Variants in PREX2 observed in about 807,000 individuals in gnomAD.
PREX2 encodes phosphatidylinositol-3,4,5-trisphosphate dependent Rac exchange factor 2.
In PREX2, 107 loss-of-function variants were observed where a neutral mutation model predicts 203.2. The ratio of observed to expected loss-of-function variants is 0.53; its 90% CI spans 0.45 to 0.62. The LOEUF is 0.62. PREX2 is among the 20% of genes least tolerant of loss of function. The pLI is 0.00. For missense variants in PREX2, 1,777 were observed against 1,955.9 expected (o/e 0.91, Z 1.72); for synonymous variants, 672 against 663.6 (o/e 1.01, Z -0.19).
chr8:68,198,731 A>G (rs542970901), intron 37 of PREX2, among the ~76,000 whole-genome samples: 2 of 152,346 alleles, frequency 1.3e-5, no homozygotes, highest in South Asian at 4.1e-4. Flanking sequence ...TGCAGAGTCT[A>G]CCTGAAAGAA....
chr8:68,173,501 G>A (rs1188530585), intron 35 of PREX2, among the ~76,000 whole-genome samples: 1 of 152,166 alleles, frequency 6.6e-6, no homozygotes, highest in Non-Finnish European at 1.5e-5. Flanking sequence ...ATTTATGCAT[G>A]TAGTATTATG....
intron 1 of PREX2, among the ~76,000 whole-genome samples, chr8:67,967,610 TG>T (rs1472979988): frequency 6.6e-6 from 1 of 152,164 alleles, no homozygotes; most frequent in Non-Finnish European, 1.5e-5. Context: ...AGCGAGGGGA[TG>T]GAAGCATTGA....
At chr8:68,095,134 T>A (rs1032184912) in intron 21 of PREX2, 12 of 152,196 alleles carry the variant, frequency 7.9e-5, no homozygotes, top group Admixed American at 6.5e-4. Flanking sequence ...GACACGTGGG[T>A]GTGTTCACTC....
At chr8:68,017,563 C>G (rs1807442253) in intron 1 of PREX2, among the ~76,000 whole-genome samples, 1 of 152,182 alleles carries the variant, frequency 6.6e-6, no homozygotes, top group East Asian at 1.9e-4. Context: ...TAGGAAACAT[C>G]TGACTCTAAA....
chr8:67,979,794 T>C (rs1229396619), intron 1 of PREX2, among the ~76,000 whole-genome samples: 1 of 152,240 alleles, frequency 6.6e-6, no homozygotes, highest in Non-Finnish European at 1.5e-5. Flanking sequence ...AATACTATGA[T>C]GTCTTTTACA....
At position 68,207,019 on chromosome 8, in the gene PREX2, A is replaced by G. The variant is rs530733490; in HGVS notation, c.4605-10597A>G. ...AGAATATATACTTGTCAGTTTGACAATTCTCTTGAGGTTTCAAAAATGTTC... is the reference window on the plus strand; with the variant it reads ...AGAATATATACTTGTCAGTTTGACAGTTCTCTTGAGGTTTCAAAAATGTTC... On this transcript the variant is annotated intron_variant, in intron 37 of 39. Coordinates refer to ENST00000288368, the MANE Select transcript of PREX2 (RefSeq NM_024870.4). Among the ~76,000 whole-genome samples, 4 of 152,332 alleles carry G rather than the reference A, an allele frequency of 2.6e-5. No individual in the cohort carries two copies. The South Asian group carries it at 6.2e-4, about 24-fold the overall frequency.
chr8:68,160,057 ATTAGT>A (rs1811625543), intron 35 of PREX2, among the ~76,000 whole-genome samples: 1 of 152,204 alleles, frequency 6.6e-6, no homozygotes, highest in Non-Finnish European at 1.5e-5. Flanking sequence ...TTAGTCCTCT[ATTAGT>A]TTAGTCTCAT....
intron 3 of PREX2, among the ~76,000 whole-genome samples, chr8:68,020,687 C>T (rs974545922): frequency 1.3e-5 from 2 of 152,104 alleles, no homozygotes; most frequent in Non-Finnish European, 2.9e-5. Context: ...CTGGAAGCCA[C>T]GGGTGTTTGT....
intron 1 of PREX2, among the ~76,000 whole-genome samples, chr8:67,966,827 A>G (rs1805791122): frequency 1.3e-5 from 2 of 152,206 alleles, no homozygotes; most frequent in South Asian, 4.1e-4. Flanking sequence ...TCCAAGGCAT[A>G]TTTCTTGAGC....
At chr8:68,065,812 CA>C (rs1809001006) in intron 11 of PREX2, among the ~76,000 whole-genome samples, 1 of 152,038 alleles carries the variant, frequency 6.6e-6, no homozygotes, top group Non-Finnish European at 1.5e-5. Flanking sequence ...CTTTCTAAAA[CA>C]GACATTTTTT....
At chr8:67,997,936 T>G (rs1387276126) in intron 1 of PREX2, among the ~76,000 whole-genome samples, 1 of 152,188 alleles carries the variant, frequency 6.6e-6, no homozygotes, top group South Asian at 2.1e-4. Flanking sequence ...ATTATTATTT[T>G]AAGATTTTTA....
intron 23 of PREX2, among the ~76,000 whole-genome samples, chr8:68,103,348 C>T (rs529158961): frequency 2.0e-5 from 3 of 152,208 alleles, no homozygotes; most frequent in Non-Finnish European, 4.4e-5. Flanking sequence ...TAGTAGCTTA[C>T]CATTGTATTA....
chr8:68,080,060 T>C (rs1171027594), intron 15 of PREX2, among the ~76,000 whole-genome samples: 1 of 152,190 alleles, frequency 6.6e-6, no homozygotes, highest in Non-Finnish European at 1.5e-5. Flanking sequence ...TTAAAGTGTT[T>C]ACTACAAATT....
chr8:68,106,213 T>C (rs866422418), intron 23 of PREX2: 1 of 445,840 alleles, frequency 2.2e-6, no homozygotes, highest in African/African-American at 2.1e-5. Context: ...ATAACATTGA[T>C]TTCAGTGCCT....
chr8:67,952,591 C>T (rs371606840), intron 1 of PREX2, 56 bp downstream of exon 1: 3 of 1,576,688 alleles, frequency 1.9e-6, no homozygotes, highest in Admixed American at 1.8e-5. Flanking sequence ...GCGCGGGTCC[C>T]GGAGTGGCTG....
chr8:68,016,867 G>T (rs1807422123), intron 1 of PREX2, among the ~76,000 whole-genome samples: 1 of 152,132 alleles, frequency 6.6e-6, no homozygotes, highest in African/African-American at 2.4e-5. Context: ...TCCTGCCTGG[G>T]ACTCCCAAAG....
At chr8:67,979,421 G>A (rs890750177) in intron 1 of PREX2, among the ~76,000 whole-genome samples, 3 of 151,882 alleles carry the variant, frequency 2.0e-5, no homozygotes, top group Non-Finnish European at 2.9e-5. Context: ...TTTAAAAATC[G>A]CAATGAAAAA....
chr8:67,976,533 G>C (rs1326500083), intron 1 of PREX2, among the ~76,000 whole-genome samples: 1 of 129,558 alleles, frequency 7.7e-6, no homozygotes, highest in Non-Finnish European at 1.7e-5. Flanking sequence ...GACAGAGAGA[G>C]AGAGACGGGA....
chr8:68,069,958 G>T lies in PREX2; in HGVS notation c.1493+74G>T. On this transcript the variant is annotated intron_variant, in intron 13 of 39. Coordinates refer to ENST00000288368, the MANE Select transcript of PREX2 (RefSeq NM_024870.4). ...CTATGTTTTAGGTAAATATTATTCA[G>T]CCAGAACTTGTTGGCTTATTTTGTT... The T allele has an allele frequency of 3.9e-6, 3 of 770,738 alleles. No homozygotes were observed. In the South Asian group the frequency reaches 6.2e-5, roughly 16 times the overall value. 47.7% of individuals were successfully genotyped at this position (770,738 alleles called of 1,614,324 possible).
Sources: allele counts gnomAD v4.1 joint callset (sites outside exome capture counted in the v4.1 genomes callset), GRCh38; gene constraint gnomAD v4.1.1; transcripts MANE v1.5; gene names NCBI Gene and HGNC (gene_info 2026-07-23, HGNC 2026-07-21).